The following BAIAP3 variants were observed in gnomAD, a reference collection of about 807,000 sequenced individuals.
BAIAP3 encodes the protein BAI1 associated protein 3.
Under a neutral mutation model 149.7 loss-of-function variants are expected in BAIAP3, and 180 were observed. The ratio of observed to expected loss-of-function variants is 1.20; its 90% confidence interval spans 1.07 to 1.36. The LOEUF is 1.36. Ranked by LOEUF, BAIAP3 falls within the 40% of genes most tolerant of loss-of-function variation. BAIAP3 has a pLI of 0.00. For synonymous variants in BAIAP3, 845 were observed against 670.7 expected (o/e 1.26, Z -4.02); for missense variants, 1,767 against 1,563.4 (o/e 1.13, Z -2.20).
Position 1,346,181 on chromosome 16 carries a change from C to A in BAIAP3, c.2313C>A (p.Val771=), listed in dbSNP as rs1476931856. The change falls in exon 25 of 34, where the codon GTC becomes GTA. Residue 771 remains valine, a synonymous_variant. Coordinates refer to ENST00000426824, the MANE Select transcript of BAIAP3 (RefSeq NM_001199097.2). ...CACACCTCCTCCAGCTCTGCGTGGT[C>A]CTCAACAATGTGGAGCTCGTGCGCA... The part of the protein sequence containing the change: ...GEAVSEALCV[V]LNNVELVRKA... 6.2e-7 allele frequency: 1 copy of A among 1,611,556 alleles called. No homozygotes were observed. Among genetic ancestry groups the A allele is most frequent in the Non-Finnish European group, 8.5e-7 (1 of 1,179,832 alleles).
chr16:1,341,019 C>T lies in BAIAP3; in HGVS notation c.468+38C>T, dbSNP rs542163496. ...CTGCCTGGGCAGGCACTGACCAGCA[C>T]GTGCCTGCGTGGCGGGGGCACGGGG... On this transcript the variant is annotated intron_variant, in intron 6 of 33. Coordinates refer to ENST00000426824, the MANE Select transcript of BAIAP3 (RefSeq NM_001199097.2). The T allele has an allele frequency of 4.3e-5, 69 of 1,608,338 alleles. No individual in the cohort carries two copies. In the Middle Eastern group the frequency reaches 5.0e-4, roughly 12 times the overall value.
rs760669694 is a variant in BAIAP3 at position 1,348,495 on chromosome 16, C to A, written c.*13C>A. 15 of 1,593,994 alleles carry A rather than the reference C, an allele frequency of 9.4e-6. No homozygotes were observed. The highest frequency in any genetic ancestry group is 1.3e-5 in the African/African-American group (1 of 74,416). On this transcript the variant is annotated 3_prime_UTR_variant, in exon 34 of 34. Transcript: ENST00000426824. ...GGCGGACCCCTGAGTCCATCAGCTG[C>A]CAGCCCCGGCCCTGGCCCCCACCCC...
chr16:1,336,118 A>G, intron 1 of BAIAP3: 1 of 716,308 alleles, frequency 1.4e-6, no homozygotes, highest in Non-Finnish European at 1.7e-6. Flanking sequence ...TGTCTCCAGG[A>G]CTGCGAGCCC....
chr16:1,334,507 C>A (rs2033333635), intron 1 of BAIAP3: 1 of 651,130 alleles, frequency 1.5e-6, no homozygotes, highest in Non-Finnish European at 2.7e-6. Flanking sequence ...GCTGCGCAGA[C>A]ACGGGCGAGG....
In BAIAP3 at chr16:1,339,954, G is replaced by A. The variant is rs2033770214; in HGVS notation, c.408+351G>A. ...ACAGACACGCACACAGGCTGCAGGT[G>A]CACACAGACGCACGCACACACACAG... On this transcript the variant is annotated intron_variant, in intron 5 of 33. Coordinates refer to ENST00000426824, the MANE Select transcript of BAIAP3 (RefSeq NM_001199097.2). Among the ~76,000 whole-genome samples the A allele has an allele frequency of 2.1e-5, 3 of 142,666 alleles. No individual in the cohort carries two copies. In the South Asian group the frequency reaches 6.5e-4, roughly 31 times the overall value. 93.6% of individuals were successfully genotyped at this position (142,666 alleles called of 152,430 possible). A position where few individuals can be genotyped will look rare whatever the true frequency, so the allele number is the denominator to read the frequency against.
chr16:1,340,224 A>ACACAGGCTGCAGGTGCACACAGACACG lies in BAIAP3; in HGVS notation c.408+625_408+626insGGCTGCAGGTGCACACAGACACGCACA, dbSNP rs1567161241. 4.1e-3 allele frequency among the ~76,000 whole-genome samples: 324 copies of ACACAGGCTGCAGGTGCACACAGACACG among 78,122 alleles called. 5 individuals carry two copies. Among genetic ancestry groups the ACACAGGCTGCAGGTGCACACAGACACG allele is most frequent in the Non-Finnish European group, 5.0e-3 (199 of 39,560 alleles). 51.3% of individuals were successfully genotyped at this position (78,122 alleles called of 152,430 possible). Reference sequence around the variant, plus strand: ...ACAGGCTGCAGGTGCACACAGACACACACACAGGTTGCAGGTGCACACAGA... The same window carrying ACACAGGCTGCAGGTGCACACAGACACG: ...ACAGGCTGCAGGTGCACACAGACACACACAGGCTGCAGGTGCACACAGACACGCACACAGGTTGCAGGTGCACACAGA... On this transcript the variant is annotated intron_variant, in intron 5 of 33. Transcript: ENST00000426824.
rs1596597411 is a variant in BAIAP3 at position 1,348,743 on chromosome 16, G to A, written c.*261G>A. The A allele has an allele frequency of 1.8e-6, 1 of 554,552 alleles. No individual in the cohort carries two copies. The highest frequency in any genetic ancestry group is 2.2e-5 in the South Asian group (1 of 46,504). The allele number at this position is 554,552 out of a possible 1,614,324, so 34.4% of individuals were successfully genotyped here. On this transcript the variant is annotated 3_prime_UTR_variant, in exon 34 of 34. Transcript: ENST00000426824. ...AGCAGCTGCCCAGGACACAGTGCAG[G>A]CCAGAGCGGGCTTGACCACCTGGTG...
intron 1 of BAIAP3, chr16:1,334,456 C>T (rs2033329048): frequency 1.0e-5 from 6 of 580,286 alleles, no homozygotes. Context: ...TGCCGCGAGG[C>T]GGGGCAGGGA....
chr16:1,335,866 G>A (rs1158546643), intron 1 of BAIAP3, among the ~76,000 whole-genome samples: 1 of 152,200 alleles, frequency 6.6e-6, no homozygotes, highest in Admixed American at 6.5e-5. Context: ...GCCGTCCCCA[G>A]CCCACTTGCT....
chr16:1,339,234 C>A lies in BAIAP3; in HGVS notation c.290C>A (p.Ala97Asp). 2 of 1,563,816 alleles carry A rather than the reference C, an allele frequency of 1.3e-6. No homozygotes were observed. Among genetic ancestry groups the A allele is most frequent in the South Asian group, 1.2e-5 (1 of 85,352 alleles). The change falls in exon 4 of 34, where the codon GCC (alanine) becomes GAC (aspartate). Residue 97 changes from alanine (A) to aspartate (D), a missense_variant. Physicochemically the swap from Ala to Asp is moderately radical, Grantham distance 126. Coordinates refer to ENST00000426824, the MANE Select transcript of BAIAP3 (RefSeq NM_001199097.2). ...VDPSLGLRAL[A>D]PEEVEMLYEE... ...CCCAGCCTCGGCCTGAGAGCCCTGG[C>A]CCCAGAGGAGGTAAAGGTGGGGGTC...
At chr16:1,338,224 C>T (rs2033602497) in intron 1 of BAIAP3, among the ~76,000 whole-genome samples, 1 of 152,142 alleles carries the variant, frequency 6.6e-6, no homozygotes, top group African/African-American at 2.4e-5. Context: ...AACCGCCTCC[C>T]TCGCCAGTGA....
Position 1,342,827 on chromosome 16 carries a change from C to T in BAIAP3, c.1161+13C>T, listed in dbSNP as rs753858555. ...CTCAGCAGAGGAGGTAGTGGGTGCG[C>T]CTAGGATTGGAACAGCCCGGCAGGG... On this transcript the variant is annotated intron_variant, in intron 13 of 33. Transcript: ENST00000426824. The T allele has an allele frequency of 1.9e-6, 3 of 1,612,614 alleles. No individual in the cohort carries two copies.
At chr16:1,335,076 C>T (rs1344496215) in intron 1 of BAIAP3, among the ~76,000 whole-genome samples, 1 of 152,230 alleles carries the variant, frequency 6.6e-6, no homozygotes, top group Non-Finnish European at 1.5e-5. Flanking sequence ...CTCACTGCCC[C>T]CAACCCTGAG....
chr16:1,336,187 C>T (rs1349906078), intron 1 of BAIAP3: 30 of 984,564 alleles, frequency 3.0e-5, no homozygotes, highest in Middle Eastern at 5.2e-4. Flanking sequence ...GCTCCAGCAG[C>T]GGCTGCTCCA....
chr16:1,344,232 T>C lies in BAIAP3; in HGVS notation c.1517T>C (p.Leu506Pro). ...VHRLELLLKC[L>P]GKLQLFQPSF... ...AGCGTGCTGCCCCCACCCAGGTGTC[T>C]GGGCAAGCTGCAGCTCTTCCAACCC... is the stretch of plus-strand genomic sequence containing the variant. Residue 506 changes from leucine (L) to proline (P), a missense_variant, in exon 17 of 34, where the codon CTG becomes CCG. Coordinates refer to ENST00000426824, the MANE Select transcript of BAIAP3 (RefSeq NM_001199097.2). The C allele has an allele frequency of 1.2e-6, 2 of 1,613,440 alleles. No homozygotes were observed. The highest frequency in any genetic ancestry group is 1.6e-4 in the Middle Eastern group (1 of 6,062).
At chr16:1,334,466 A>AG in intron 1 of BAIAP3, 1 of 568,018 alleles carries the variant, frequency 1.8e-6, no homozygotes, top group Non-Finnish European at 3.1e-6. Context: ...CGGGGCAGGG[A>AG]GGGGGTCGGT....
intron 5 of BAIAP3, among the ~76,000 whole-genome samples, chr16:1,340,176 CA>C (rs2033806366): frequency 2.0e-5 from 2 of 100,248 alleles, no homozygotes; most frequent in African/African-American, 1.0e-4. Context: ...ACACAGGCTG[CA>C]GGTGCACACA....
intron 15 of BAIAP3, 79 bp from the exon 16 acceptor site, chr16:1,343,943 C>A: frequency 6.3e-7 from 1 of 1,578,800 alleles, no homozygotes; most frequent in South Asian, 1.1e-5. Context: ...AAGGGTGTTG[C>A]GGGCCAAGGC....
At position 1,338,897 on chromosome 16, in the gene BAIAP3, T is replaced by C. The variant is rs2033657595; in HGVS notation, c.132-5T>C. The C allele has an allele frequency of 1.2e-6, 2 of 1,612,852 alleles. No individual in the cohort carries two copies. The highest frequency in any genetic ancestry group is 2.7e-5 in the African/African-American group (2 of 74,924). ...AGCTGTGAGCTGACCCGGCTCTTTC[T>C]CCAGGAAACCCGGGGATGGCGTGGA... On this transcript the variant is annotated splice_region_variant and splice_polypyrimidine_tract_variant and intron_variant, in intron 2 of 33. Coordinates refer to ENST00000426824, the MANE Select transcript of BAIAP3 (RefSeq NM_001199097.2).
Sources: gnomAD v4.1 joint callset for allele counts (sites outside exome capture counted in the v4.1 genomes callset) on GRCh38, gnomAD v4.1.1 for gene constraint, MANE v1.5 for transcripts, NCBI Gene and HGNC (gene_info 2026-07-23, HGNC 2026-07-21) for gene names.